The following ZNF503 variants were observed in gnomAD, a reference collection of about 807,000 sequenced individuals.
The protein encoded by ZNF503 is zinc finger protein 503.
Under a neutral mutation model 34.4 loss-of-function variants are expected in ZNF503, and 15 were observed. The ratio of observed to expected loss-of-function variants is 0.44; its 90% CI spans 0.29 to 0.67. The LOEUF (loss-of-function observed/expected upper bound fraction) is 0.67, where lower values mean the gene tolerates loss of function less well. Among genes scored for constraint, ZNF503 ranks in the 30% least tolerant of loss-of-function variants. ZNF503 has a pLI of 0.13. For synonymous variants in ZNF503, 580 were observed against 456.8 expected (o/e 1.27, Z -3.44); for missense variants, 1,007 against 926.8 (o/e 1.09, Z -1.12).
the ZNF503 span, among the ~76,000 whole-genome samples, chr10:75,347,456 C>G: frequency 6.6e-6 from 1 of 152,222 alleles, no homozygotes; most frequent in Non-Finnish European, 1.5e-5. Flanking sequence ...GAGGGGCTGG[C>G]AGCAGAACTC....
At chr10:75,285,578 G>T in the ZNF503 span, among the ~76,000 whole-genome samples, 1 of 152,344 alleles carries the variant, frequency 6.6e-6, no homozygotes, top group South Asian at 2.1e-4. Context: ...CCTCAACTGT[G>T]GGAGAAACGG....
At chr10:75,303,043 C>T in the ZNF503 span, among the ~76,000 whole-genome samples, 1 of 152,128 alleles carries the variant, frequency 6.6e-6, no homozygotes, top group Middle Eastern at 3.2e-3. Flanking sequence ...GTTTTGTAGA[C>T]CTCCAAACTC....
At chr10:75,314,852 G>T in the ZNF503 span, among the ~76,000 whole-genome samples, 97 of 152,242 alleles carry the variant, frequency 6.4e-4, 1 homozygote, top group African/African-American at 2.1e-3. Context: ...AAAAGCTGAG[G>T]GAGTTTATTA....
At chr10:75,295,605 A>G in the ZNF503 span, 2 of 152,212 alleles carry the variant, frequency 1.3e-5, no homozygotes, top group Non-Finnish European at 2.9e-5. This position sits in a 1 kb window ranked among gnomAD's most constrained non-coding sequence, Gnocchi z 4.0. Flanking sequence ...CCCACTCCTT[A>G]GACCTAATCA....
the ZNF503 span, among the ~76,000 whole-genome samples, chr10:75,354,554 T>TAA: frequency 1.4e-4 from 21 of 145,534 alleles, no homozygotes; most frequent in South Asian, 6.5e-4. Flanking sequence ...CTCTACAAAA[T>TAA]AAAAAAAAAA....
chr10:75,371,401 T>C, the ZNF503 span, among the ~76,000 whole-genome samples: 1 of 152,110 alleles, frequency 6.6e-6, no homozygotes, highest in Non-Finnish European at 1.5e-5. Context: ...CAAGAGTGGG[T>C]TGGTGTTTCC....
the ZNF503 span, among the ~76,000 whole-genome samples, chr10:75,333,288 A>C: frequency 0.018 from 410 of 22,876 alleles, no homozygotes; most frequent in Admixed American, 0.034. Flanking sequence ...GGGGGCTGAC[A>C]CCCCCACCTC....
chr10:75,398,296 G>C lies in ZNF503; in HGVS notation c.*453C>G, dbSNP rs1843726707. On this transcript the variant is annotated 3_prime_UTR_variant, in exon 2 of 2. Transcript: ENST00000372524. ...TTTGCTTTTATTTATAATCTACAAG[G>C]GATGGGAGGGTTTGTTTTCCACATT... The C allele has an allele frequency of 6.4e-6, 1 of 155,852 alleles. No individual in the cohort carries two copies. 9.7% of individuals were successfully genotyped at this position (155,852 alleles called of 1,614,324 possible).
At chr10:75,378,354 G>A in the ZNF503 span, among the ~76,000 whole-genome samples, 2 of 152,120 alleles carry the variant, frequency 1.3e-5, no homozygotes, top group Admixed American at 6.5e-5. Flanking sequence ...ATGGCTGGGC[G>A]AAGGTAGGCC....
the ZNF503 span, among the ~76,000 whole-genome samples, chr10:75,333,115 A>G: frequency 1.9e-5 from 2 of 106,726 alleles, no homozygotes; most frequent in African/African-American, 3.7e-5. Flanking sequence ...CTGACCCCCC[A>G]ACCTCCCTCC....
At chr10:75,400,998 T>C (rs764772090) in intron 1 of ZNF503, 107 bp downstream of exon 1, 1 of 1,500,560 alleles carries the variant, frequency 6.7e-7, no homozygotes, top group Non-Finnish European at 9.0e-7. Flanking sequence ...ATTCGGGAGC[T>C]GAATCACTCC....
At chr10:75,310,617 C>G in the ZNF503 span, among the ~76,000 whole-genome samples, 1 of 152,184 alleles carries the variant, frequency 6.6e-6, no homozygotes, top group Non-Finnish European at 1.5e-5. Flanking sequence ...AGAATGATAT[C>G]AGAAAATGCT....
the ZNF503 span, among the ~76,000 whole-genome samples, chr10:75,307,824 A>G: frequency 6.6e-6 from 1 of 152,210 alleles, no homozygotes; most frequent in Admixed American, 6.5e-5. Flanking sequence ...CATGCCTATA[A>G]TCCCAGCACT....
chr10:75,346,833 G>A, the ZNF503 span, among the ~76,000 whole-genome samples: 2 of 151,164 alleles, frequency 1.3e-5, no homozygotes, highest in African/African-American at 4.9e-5. Flanking sequence ...GTAGACACAG[G>A]GTCTCCCTAT....
chr10:75,308,696 T>G, the ZNF503 span, among the ~76,000 whole-genome samples: 88 of 152,274 alleles, frequency 5.8e-4, no homozygotes, highest in African/African-American at 2.0e-3. Flanking sequence ...GACTTTGAGG[T>G]TGTCAAGACA....
chr10:75,335,160 G>C, the ZNF503 span, among the ~76,000 whole-genome samples: 2 of 152,170 alleles, frequency 1.3e-5, no homozygotes, highest in African/African-American at 2.4e-5. Context: ...GGATAATACA[G>C]TATCCACTGC....
chr10:75,377,878 G>C, the ZNF503 span, among the ~76,000 whole-genome samples: 1 of 152,302 alleles, frequency 6.6e-6, no homozygotes, highest in South Asian at 2.1e-4. Flanking sequence ...AGTTTTACAG[G>C]CTGCACAGGA....
the ZNF503 span, among the ~76,000 whole-genome samples, chr10:75,383,251 C>A: frequency 6.6e-6 from 1 of 152,178 alleles, no homozygotes; most frequent in South Asian, 2.1e-4. Flanking sequence ...CTTGACAGAG[C>A]ACCCATCCAT....
intron 1 of ZNF503, 68 bp from the exon 2 acceptor site, chr10:75,400,442 G>A: frequency 1.3e-6 from 2 of 1,495,032 alleles, no homozygotes; most frequent in Non-Finnish European, 1.8e-6. Flanking sequence ...TAGAATCCTG[G>A]CTTCTGGGGT....
Sources: gnomAD v4.1 joint callset for allele counts (sites outside exome capture counted in the v4.1 genomes callset) on GRCh38, gnomAD v4.1.1 for gene constraint, Gnocchi (gnomAD v3.1) non-coding constraint, MANE v1.5 for transcripts, NCBI Gene and HGNC (gene_info 2026-07-23, HGNC 2026-07-21) for gene names.